Variants in SPAG17 observed in about 807,000 individuals in gnomAD.
SPAG17 encodes sperm associated antigen 17, also known as sperm-associated antigen 17.
SPAG17 carries 169 observed loss-of-function variants against 273.6 expected under a neutral mutation model. The observed-to-expected ratio is 0.62, with a 90% CI of 0.55 to 0.70. SPAG17 has a LOEUF of 0.70. Ranked by LOEUF, SPAG17 falls within the 30% of genes least tolerant of loss-of-function variation. SPAG17 has a pLI of 0.00. For synonymous variants in SPAG17, 825 were observed against 873.2 expected (o/e 0.94, Z 0.97); for missense variants, 2,557 against 2,627.8 (o/e 0.97, Z 0.59).
At chr1:118,176,920 A>G (rs544046492) in intron 1 of SPAG17, among the ~76,000 whole-genome samples, 1 of 152,322 alleles carries the variant, frequency 6.6e-6, no homozygotes, top group African/African-American at 2.4e-5. Context: ...ACACAAACAC[A>G]TGGAAATTAA....
chr1:118,126,646 C>G (rs1657753821), intron 3 of SPAG17, among the ~76,000 whole-genome samples: 1 of 152,098 alleles, frequency 6.6e-6, no homozygotes, highest in Non-Finnish European at 1.5e-5. Context: ...TCTCTTCACT[C>G]TGTTGATTGT....
At chr1:118,136,854 G>C (rs956085991) in intron 3 of SPAG17, among the ~76,000 whole-genome samples, 2 of 151,016 alleles carry the variant, frequency 1.3e-5, no homozygotes, top group African/African-American at 4.9e-5. Flanking sequence ...GAGGAATCAT[G>C]AAATGAACCT....
At chr1:118,143,048 C>A (rs1417513000) in intron 3 of SPAG17, among the ~76,000 whole-genome samples, 1 of 152,156 alleles carries the variant, frequency 6.6e-6, no homozygotes, top group South Asian at 2.1e-4. Context: ...AATTAAAAAA[C>A]CCTGTTGACC....
chr1:118,069,018 G>C (rs1653283489), intron 17 of SPAG17, among the ~76,000 whole-genome samples: 1 of 152,122 alleles, frequency 6.6e-6, no homozygotes, highest in Non-Finnish European at 1.5e-5. Context: ...CAGGTAATCA[G>C]GAGGATATTG....
rs1660260960 is a variant in SPAG17 at position 118,168,221 on chromosome 1, T to C, written c.87+16850A>G. Among the ~76,000 whole-genome samples, 2 of 152,126 alleles carry C rather than the reference T, an allele frequency of 1.3e-5. 1 individual carries two copies. Among genetic ancestry groups the C allele is most frequent in the South Asian group, 4.2e-4 (2 of 4,816 alleles). The stretch of plus-strand genomic sequence containing the variant: ...AATAATGAATGGAAGGCTTGGGCCC[T>C]AGTGTCTGTCTGGGTGAGTGGTGAC... On this transcript the variant is annotated intron_variant, in intron 1 of 48. Coordinates refer to ENST00000336338, the MANE Select transcript of SPAG17 (RefSeq NM_206996.4).
intron 40 of SPAG17, among the ~76,000 whole-genome samples, chr1:117,987,380 A>C (rs1374117273): frequency 1.3e-5 from 2 of 152,224 alleles, no homozygotes; most frequent in African/African-American, 4.8e-5. Flanking sequence ...TAGTTTCATG[A>C]GTACTGCTAC....
At chr1:118,151,492 T>C in intron 1 of SPAG17, 123 bp from the exon 2 acceptor site, 1 of 950,560 alleles carries the variant, frequency 1.1e-6, no homozygotes, top group Non-Finnish European at 1.5e-6. Context: ...AGAGGTGACC[T>C]TGTAATGTAT....
At chr1:118,120,095 A>T (rs986902922) in intron 3 of SPAG17, among the ~76,000 whole-genome samples, 6 of 152,188 alleles carry the variant, frequency 3.9e-5, no homozygotes, top group Admixed American at 1.3e-4. Context: ...TGTTCCCACC[A>T]AAACTGTATG....
chr1:117,994,557 C>T (rs1477514363), intron 34 of SPAG17, 27 bp from the exon 35 acceptor site: 2 of 1,584,770 alleles, frequency 1.3e-6, no homozygotes, highest in African/African-American at 2.7e-5. Context: ...TGTCAGAAGA[C>T]CATTACCCAT....
chr1:118,010,171 G>T (rs551890308), intron 30 of SPAG17, among the ~76,000 whole-genome samples: 4 of 152,244 alleles, frequency 2.6e-5, no homozygotes, highest in African/African-American at 9.6e-5. Context: ...GTATAACATG[G>T]TGACTATAGT....
At chr1:118,018,890 A>C (rs949036224) in intron 28 of SPAG17, among the ~76,000 whole-genome samples, 7 of 152,030 alleles carry the variant, frequency 4.6e-5, no homozygotes, top group African/African-American at 1.4e-4. Context: ...GTATATAATA[A>C]ACGGACTAAA....
Position 117,995,735 on chromosome 1 carries a change from C to CACACACACAT in SPAG17, c.5053+634_5053+635insATGTGTGTGT, listed in dbSNP as rs113958878. Among the ~76,000 whole-genome samples the CACACACACAT allele has an allele frequency of 5.5e-3, 820 of 149,616 alleles. 20 individuals are homozygous for CACACACACAT. The highest frequency in any genetic ancestry group is 0.033 in the South Asian group (152 of 4,662). ...ACACACACACACACACACACACACA[C>CACACACACAT]AAACCTAGGCACAGCACATAGGTTT... On this transcript the variant is annotated intron_variant, in intron 34 of 48. Coordinates refer to ENST00000336338, the MANE Select transcript of SPAG17 (RefSeq NM_206996.4).
chr1:118,007,552 G>C (rs527477851), intron 31 of SPAG17, among the ~76,000 whole-genome samples: 1 of 152,338 alleles, frequency 6.6e-6, no homozygotes, highest in East Asian at 1.9e-4. Context: ...TCCAAGGACA[G>C]AGCTTTGCTT....
chr1:118,056,630 T>A (rs1651704859), intron 18 of SPAG17, among the ~76,000 whole-genome samples: 1 of 152,210 alleles, frequency 6.6e-6, no homozygotes, highest in Non-Finnish European at 1.5e-5. Flanking sequence ...AATTTGACAA[T>A]AAAAATTGGT....
chr1:118,101,862 T>C lies in SPAG17; in HGVS notation c.512A>G (p.Lys171Arg). The C allele has an allele frequency of 6.2e-7, 1 of 1,613,678 alleles. No individual in the cohort carries two copies. The highest frequency in any genetic ancestry group is 8.5e-7 in the Non-Finnish European group (1 of 1,179,732). Reference sequence around the variant, plus strand: ...TTTGGCAGGCTTGGCACTTGGAGCCTTTTTCTCCTTGGGAGATTTTGCTTT... The same window carrying C: ...TTTGGCAGGCTTGGCACTTGGAGCCCTTTTCTCCTTGGGAGATTTTGCTTT... ...KGKAKSPKEK[K>R]APSAKPAKGK... Residue 171 changes from lysine to arginine, a missense_variant, in exon 5 of 49, where the codon AAG (lysine) becomes AGG (arginine). Physicochemically the swap from Lys to Arg is conservative, Grantham distance 26 (BLOSUM62 2). Coordinates refer to ENST00000336338, the MANE Select transcript of SPAG17 (RefSeq NM_206996.4).
chr1:118,054,167 A>G lies in SPAG17; in HGVS notation c.2723-74T>C, dbSNP rs184466988. The G allele has an allele frequency of 3.0e-3, 2,730 of 915,872 alleles. 9 individuals are homozygous for G. Among genetic ancestry groups the G allele is most frequent in the Non-Finnish European group, 3.7e-3 (2,207 of 598,258 alleles). 56.7% of individuals were successfully genotyped at this position (915,872 alleles called of 1,614,324 possible). A position where few individuals can be genotyped will look rare whatever the true frequency, so the allele number is the denominator to read the frequency against. On this transcript the variant is annotated intron_variant, in intron 19 of 48. Transcript: ENST00000336338. The stretch of plus-strand genomic sequence containing the variant: ...CATAGAAGGCCCAAATCTCTGGGTT[A>G]GATGAGATCTCAAAGGCTTTCAAGT...
chr1:118,140,397 A>C (rs1032711296), intron 3 of SPAG17, among the ~76,000 whole-genome samples: 1 of 152,234 alleles, frequency 6.6e-6, no homozygotes, highest in Non-Finnish European at 1.5e-5. Flanking sequence ...GGATATGTTA[A>C]CTAGCTTGAT....
chr1:118,046,972 T>C (rs750883442), intron 20 of SPAG17, among the ~76,000 whole-genome samples: 8 of 152,148 alleles, frequency 5.3e-5, no homozygotes, highest in Admixed American at 3.3e-4. Flanking sequence ...AGAATAGATA[T>C]AAATGGAATC....
intron 1 of SPAG17, among the ~76,000 whole-genome samples, chr1:118,167,198 A>C (rs1376348975): frequency 6.6e-6 from 1 of 152,216 alleles, no homozygotes; most frequent in African/African-American, 2.4e-5. Flanking sequence ...CATGAGCTTT[A>C]ACAAATTCTC....
Sources: allele counts gnomAD v4.1 joint callset (sites outside exome capture counted in the v4.1 genomes callset), GRCh38; gene constraint gnomAD v4.1.1; transcripts MANE v1.5; gene names NCBI Gene and HGNC (gene_info 2026-07-23, HGNC 2026-07-21).